SLC5A4: variants seen among roughly 807,000 people sequenced by gnomAD.
The protein encoded by SLC5A4 is probable glucose sensor protein SLC5A4.
SLC5A4 carries 55 observed loss-of-function variants against 70.3 expected under a neutral mutation model. That is an observed-to-expected ratio of 0.78 (90% CI 0.63 to 0.98). The LOEUF (loss-of-function observed/expected upper bound fraction) is 0.98. SLC5A4 is among the 50% of genes least tolerant of loss of function. The pLI is 0.00. For missense variants in SLC5A4, 735 were observed against 839.2 expected (o/e 0.88, Z 1.53); for synonymous variants, 268 against 305.7 (o/e 0.88, Z 1.29).
chr22:32,270,121 C>A, the SLC5A4 span: 1 of 553,094 alleles, frequency 1.8e-6, no homozygotes, highest in South Asian at 1.7e-5. Flanking sequence ...AAATCCGTGT[C>A]ACAGGACGAC....
chr22:32,337,258 TAAG>T, the SLC5A4 span, among the ~76,000 whole-genome samples: 3 of 152,162 alleles, frequency 2.0e-5, no homozygotes, highest in Admixed American at 6.5e-5. Flanking sequence ...CCTGTGCACA[TAAG>T]AAACACATTG....
chr22:32,331,693 A>C, the SLC5A4 span, among the ~76,000 whole-genome samples: 5 of 151,974 alleles, frequency 3.3e-5, no homozygotes, highest in Non-Finnish European at 5.9e-5. Flanking sequence ...TGTACCTGGG[A>C]TGGGGACGTG....
the SLC5A4 span, chr22:32,270,430 GT>G: frequency 1.0e-5 from 14 of 1,353,902 alleles, no homozygotes; most frequent in Non-Finnish European, 1.5e-5. Flanking sequence ...CATCGCCCTG[GT>G]GCCTAAGGAG....
At chr22:32,218,799 A>G (rs1938349277) in intron 14 of SLC5A4, 74 bp from the exon 15 acceptor site, 2 of 1,026,898 alleles carry the variant, frequency 1.9e-6, no homozygotes, top group South Asian at 3.0e-5. Flanking sequence ...TCAGTGTAGT[A>G]CCTATGACTG....
chr22:32,335,330 A>G, the SLC5A4 span, among the ~76,000 whole-genome samples: 5 of 148,438 alleles, frequency 3.4e-5, no homozygotes, highest in Non-Finnish European at 7.4e-5. Context: ...AGAACCACCT[A>G]GCACAGTATC....
the SLC5A4 span, among the ~76,000 whole-genome samples, chr22:32,279,883 G>A: frequency 1.3e-5 from 2 of 152,056 alleles, no homozygotes; most frequent in Admixed American, 6.5e-5. Context: ...AGAAGACCTA[G>A]AGTCGGTGGG....
At chr22:32,234,501 C>A (rs1925946417) in intron 8 of SLC5A4, among the ~76,000 whole-genome samples, 1 of 152,158 alleles carries the variant, frequency 6.6e-6, no homozygotes, top group South Asian at 2.1e-4. Flanking sequence ...GTGTTCGAGA[C>A]CAGCCTGGCC....
chr22:32,281,632 G>T, the SLC5A4 span, among the ~76,000 whole-genome samples: 1 of 152,020 alleles, frequency 6.6e-6, no homozygotes, highest in African/African-American at 2.4e-5. Flanking sequence ...GGGACTACAG[G>T]CATGTAACAC....
chr22:32,235,833 A>C (rs1926025503), intron 7 of SLC5A4, among the ~76,000 whole-genome samples: 1 of 152,222 alleles, frequency 6.6e-6, no homozygotes, highest in Admixed American at 6.5e-5. Flanking sequence ...ACATTAATTT[A>C]CTTCATTATT....
rs149245976 is a variant in SLC5A4 at position 32,237,975 on chromosome 22, A to G, written c.584-651T>C. Among the ~76,000 whole-genome samples, 15 of 152,304 alleles carry G rather than the reference A, an allele frequency of 9.8e-5. No homozygotes were observed. The East Asian group carries it at 2.7e-3, about 27-fold the overall frequency. ...TATTCTGAAACACATGCTCTGTGAA[A>G]GTTGTCTGTACCAAAATAGAGACAC... On this transcript the variant is annotated intron_variant, in intron 6 of 14. Transcript: ENST00000266086.
At chr22:32,350,380 G>A in the SLC5A4 span, among the ~76,000 whole-genome samples, 10,693 of 152,246 alleles carry the variant, frequency 0.07, 466 homozygotes, top group African/African-American at 0.12. Flanking sequence ...CCCAGTCACT[G>A]ATGCACTTGG....
At chr22:32,304,654 G>A in the SLC5A4 span, among the ~76,000 whole-genome samples, 1 of 152,110 alleles carries the variant, frequency 6.6e-6, no homozygotes, top group Non-Finnish European at 1.5e-5. Context: ...GTGTCTTTTT[G>A]CAAATATTTT....
chr22:32,226,384 C>T (rs959586616), intron 11 of SLC5A4, among the ~76,000 whole-genome samples: 9 of 152,172 alleles, frequency 5.9e-5, no homozygotes, highest in African/African-American at 2.2e-4. Flanking sequence ...ACTTCTTAAC[C>T]TTTCTAAACT....
intron 5 of SLC5A4, among the ~76,000 whole-genome samples, chr22:32,239,371 T>C (rs1461180856): frequency 6.7e-6 from 1 of 150,374 alleles, no homozygotes; most frequent in South Asian, 2.1e-4. Flanking sequence ...TTCTGTATCA[T>C]GAGGCTTAGA....
the SLC5A4 span, among the ~76,000 whole-genome samples, chr22:32,305,011 CTCT>C: frequency 2.0e-5 from 3 of 152,228 alleles, no homozygotes; most frequent in East Asian, 5.8e-4. Context: ...GCTTTTGCTC[CTCT>C]GTCAAAGATC....
the SLC5A4 span, among the ~76,000 whole-genome samples, chr22:32,341,065 T>C: frequency 3.0e-4 from 46 of 151,956 alleles, no homozygotes; most frequent in African/African-American, 1.1e-3. Context: ...AATGAGATGG[T>C]AGGAGGCAGC....
At chr22:32,254,334 G>A (rs1451122036) in intron 1 of SLC5A4, 121 bp from the exon 2 acceptor site, 4 of 696,052 alleles carry the variant, frequency 5.7e-6, no homozygotes, top group Admixed American at 2.4e-5. Context: ...GAAACATTTC[G>A]CTGGAAAGTG....
chr22:32,218,481 A>G lies in SLC5A4; in HGVS notation c.*33T>C, dbSNP rs1246121965. ...AATTATCCTTTGGTTCATTATTAAG[A>G]ATTATTCATTATTCTAATGGCTCAG... is the stretch of plus-strand genomic sequence containing the variant. On this transcript the variant is annotated 3_prime_UTR_variant, in exon 15 of 15. Coordinates refer to ENST00000266086, the MANE Select transcript of SLC5A4 (RefSeq NM_014227.3). 1 of 1,279,788 alleles carries G rather than the reference A, an allele frequency of 7.8e-7. No individual in the cohort carries two copies. Among genetic ancestry groups the G allele is most frequent in the Admixed American group, 2.1e-5 (1 of 47,470 alleles). The allele number at this position is 1,279,788 out of a possible 1,614,324, so 79.3% of individuals were successfully genotyped here.
the SLC5A4 span, among the ~76,000 whole-genome samples, chr22:32,337,312 T>G: frequency 6.6e-6 from 1 of 152,224 alleles, no homozygotes; most frequent in Non-Finnish European, 1.5e-5. Flanking sequence ...GCAGGCGGAT[T>G]GCCTGGGCTT....
Sources: gnomAD v4.1 joint callset for allele counts (sites outside exome capture counted in the v4.1 genomes callset) on GRCh38, gnomAD v4.1.1 for gene constraint, MANE v1.5 for transcripts, NCBI Gene and HGNC (gene_info 2026-07-23, HGNC 2026-07-21) for gene names.